SYT14: variants seen among roughly 807,000 people sequenced by gnomAD.
SYT14 encodes the protein synaptotagmin-14.
Under a neutral mutation model 74.2 loss-of-function variants are expected in SYT14, and 32 were observed. The observed-to-expected ratio is 0.43, with a 90% CI of 0.33 to 0.58. The LOEUF (loss-of-function observed/expected upper bound fraction) is 0.58, where lower values mean the gene tolerates loss of function less well. Among genes scored for constraint, SYT14 ranks in the 20% least tolerant of loss-of-function variants. The pLI, the probability that SYT14 is intolerant of heterozygous loss-of-function variation, is 0.05. For missense variants in SYT14, 791 were observed against 981.8 expected (o/e 0.81, Z 2.60); for synonymous variants, 298 against 337.7 (o/e 0.88, Z 1.29).
At chr1:209,965,540 G>A (rs2102730401) in intron 2 of SYT14, among the ~76,000 whole-genome samples, 1 of 152,224 alleles carries the variant, frequency 6.6e-6, no homozygotes, top group East Asian at 1.9e-4. Flanking sequence ...GTATCTTTTT[G>A]GTAGAACAGT....
At chr1:209,989,493 C>T (rs1187523434) in intron 2 of SYT14, among the ~76,000 whole-genome samples, 1 of 152,216 alleles carries the variant, frequency 6.6e-6, no homozygotes, top group Non-Finnish European at 1.5e-5. Flanking sequence ...CTCTAGCTGT[C>T]TGCTCTTCAG....
At chr1:210,115,462 C>A (rs1352400825) in intron 7 of SYT14, among the ~76,000 whole-genome samples, 1 of 150,720 alleles carries the variant, frequency 6.6e-6, no homozygotes, top group Non-Finnish European at 1.5e-5. Flanking sequence ...GGTGAATAAT[C>A]AAGCAGGCGT....
intron 7 of SYT14, among the ~76,000 whole-genome samples, chr1:210,154,240 C>T (rs1238361978): frequency 1.3e-5 from 2 of 152,104 alleles, no homozygotes; most frequent in Admixed American, 6.5e-5. Context: ...ATGTCTATTT[C>T]AGAGGTCTCC....
intron 6 of SYT14, among the ~76,000 whole-genome samples, chr1:210,097,911 T>A (rs556538533): frequency 2.0e-4 from 31 of 152,292 alleles, no homozygotes; most frequent in Admixed American, 3.3e-4. Context: ...GCATGGTGGC[T>A]CACACCTTTA....
intron 7 of SYT14, among the ~76,000 whole-genome samples, chr1:210,135,816 C>A (rs1221425992): frequency 6.6e-6 from 1 of 152,138 alleles, no homozygotes; most frequent in South Asian, 2.1e-4. Flanking sequence ...ATTGTTTATT[C>A]TAGGGCTAAT....
intron 5 of SYT14, among the ~76,000 whole-genome samples, chr1:210,034,426 TATATAA>T (rs2080610522): frequency 6.6e-6 from 1 of 150,940 alleles, no homozygotes; most frequent in African/African-American, 2.5e-5. Flanking sequence ...AGTTAAATTT[TATATAA>T]ATATATATAC....
intron 7 of SYT14, among the ~76,000 whole-genome samples, chr1:210,108,681 A>T (rs1464532661): frequency 6.6e-6 from 1 of 152,158 alleles, no homozygotes. Flanking sequence ...TGTGTTTGGG[A>T]TATAAACAGA....
At position 210,020,581 on chromosome 1, in the gene SYT14, G is replaced by A. The variant is rs200448812; in HGVS notation, c.1097-458G>A. On this transcript the variant is annotated intron_variant, in intron 4 of 9. Coordinates refer to ENST00000637265, the Ensembl canonical transcript of SYT14. ...CCGTTTTGAAAATTTTGACCAAAAC[G>A]AGAACCAGAAATGTGTCTTTTAATG... Among the ~76,000 whole-genome samples, 28 of 152,226 alleles carry A rather than the reference G, an allele frequency of 1.8e-4. No homozygotes were observed. In the East Asian group the frequency reaches 4.4e-3, roughly 24 times the overall value.
intron 2 of SYT14, among the ~76,000 whole-genome samples, chr1:209,980,806 G>T (rs1027495380): frequency 1.3e-5 from 2 of 152,118 alleles, no homozygotes; most frequent in Non-Finnish European, 2.9e-5. Context: ...ATTGGTCTAT[G>T]TGTCTGTTCT....
intron 7 of SYT14, among the ~76,000 whole-genome samples, chr1:210,151,506 C>CCT (rs1166978582): frequency 7.5e-6 from 1 of 132,936 alleles, no homozygotes; most frequent in Non-Finnish European, 1.5e-5. Context: ...AGGCGAATGC[C>CCT]CCCCCCCTTT....
At chr1:209,938,937 G>T (rs2078683159) in intron 1 of SYT14, among the ~76,000 whole-genome samples, 1 of 152,008 alleles carries the variant, frequency 6.6e-6, no homozygotes, top group Admixed American at 6.6e-5. Context: ...AGTAAATAAC[G>T]TCTTTACAAC....
chr1:210,079,002 G>A (rs758499772), intron 5 of SYT14, among the ~76,000 whole-genome samples: 6 of 151,898 alleles, frequency 4.0e-5, no homozygotes, highest in South Asian at 2.1e-4. Context: ...CGATCAGCCC[G>A]TCCTGGCCTC....
intron 6 of SYT14, among the ~76,000 whole-genome samples, chr1:210,099,417 TAC>T (rs1233295699): frequency 1.3e-5 from 2 of 152,214 alleles, no homozygotes; most frequent in Admixed American, 6.5e-5. Flanking sequence ...TTGAAGTAAA[TAC>T]AGTCTATGTT....
intron 1 of SYT14, among the ~76,000 whole-genome samples, chr1:209,941,861 C>A (rs2078736262): frequency 6.6e-6 from 1 of 152,180 alleles, no homozygotes; most frequent in Non-Finnish European, 1.5e-5. Context: ...TGATCAAGTT[C>A]TTTATATCAT....
rs367972711 is a variant in SYT14, at chr1:210,066,061, A to G, written c.1313-28261A>G. ...TCCCTACAAAGGACATGAACTCATC[A>G]TTTTTTATGGCTGCATAGTATTCCA... On this transcript the variant is annotated intron_variant, in intron 5 of 9. Coordinates refer to ENST00000637265, the Ensembl canonical transcript of SYT14. 5.9e-5 allele frequency among the ~76,000 whole-genome samples: 9 copies of G among 151,326 alleles called. No individual in the cohort carries two copies. In the South Asian group the frequency reaches 1.5e-3, roughly 25 times the overall value.
chr1:210,007,915 T>G (rs907998348), intron 2 of SYT14, among the ~76,000 whole-genome samples: 6 of 152,196 alleles, frequency 3.9e-5, no homozygotes, highest in Admixed American at 3.9e-4. Context: ...TGTTAAATTT[T>G]AAAATGAAAG....
At chr1:210,056,687 G>GT (rs1344588674) in intron 5 of SYT14, among the ~76,000 whole-genome samples, 1 of 131,104 alleles carries the variant, frequency 7.6e-6, no homozygotes, top group Non-Finnish European at 1.6e-5. Flanking sequence ...TTAGCCGGGT[G>GT]TGGTGGCATG....
At chr1:209,980,522 G>A (rs527618425) in intron 2 of SYT14, among the ~76,000 whole-genome samples, 23 of 151,950 alleles carry the variant, frequency 1.5e-4, no homozygotes, top group East Asian at 7.7e-4. Context: ...AGTCTTTGCC[G>A]GTGCCTATAT....
intron 5 of SYT14, among the ~76,000 whole-genome samples, chr1:210,054,234 G>A (rs1199992538): frequency 1.3e-5 from 2 of 151,952 alleles, no homozygotes; most frequent in African/African-American, 4.8e-5. Context: ...CTCTTAAGAT[G>A]TAAAAAAAAA....
Sources: allele counts gnomAD v4.1 joint callset (sites outside exome capture counted in the v4.1 genomes callset), GRCh38; gene constraint gnomAD v4.1.1; transcripts MANE v1.5; gene names NCBI Gene and HGNC (gene_info 2026-07-23, HGNC 2026-07-21).